SHTN1: variants seen among roughly 807,000 people sequenced by gnomAD.
The protein encoded by SHTN1 is shootin 1.
SHTN1 carries 42 observed loss-of-function variants against 83.1 expected under a neutral mutation model. The ratio of observed to expected loss-of-function variants is 0.51; its 90% confidence interval spans 0.39 to 0.65. The LOEUF (loss-of-function observed/expected upper bound fraction) is 0.65, where lower values mean the gene tolerates loss of function less well. Among genes scored for constraint, SHTN1 ranks in the 30% least tolerant of loss-of-function variants. The probability of loss-of-function intolerance (pLI) is 0.00; values close to 1 mark genes in which losing one functional copy is unlikely to be tolerated. For missense variants in SHTN1, 622 were observed against 737.8 expected (o/e 0.84, Z 1.82); for synonymous variants, 224 against 247.7 (o/e 0.90, Z 0.90).
chr10:117,030,513 T>C (rs1852399752), intron 2 of SHTN1, among the ~76,000 whole-genome samples: 1 of 152,016 alleles, frequency 6.6e-6, no homozygotes, highest in South Asian at 2.1e-4. Context: ...AACTAAATAA[T>C]GCACCAGGAA....
At chr10:116,992,879 T>G (rs2133517499) in intron 1 of SHTN1, among the ~76,000 whole-genome samples, 1 of 152,298 alleles carries the variant, frequency 6.6e-6, no homozygotes, top group South Asian at 2.1e-4. Flanking sequence ...CTCTATTGGA[T>G]CCAACTGTCA....
intron 1 of SHTN1, among the ~76,000 whole-genome samples, chr10:117,063,018 C>A (rs763140804): frequency 6.6e-6 from 1 of 152,250 alleles, no homozygotes; most frequent in South Asian, 2.1e-4. Flanking sequence ...ATAATACTAA[C>A]CATAAATGGA....
chr10:117,048,944 C>T (rs1008906232), intron 1 of SHTN1, among the ~76,000 whole-genome samples: 2 of 152,160 alleles, frequency 1.3e-5, no homozygotes, highest in Non-Finnish European at 2.9e-5. Flanking sequence ...TGTATCAGTT[C>T]TTGATTTTCC....
chr10:116,883,934 ATTTTCT>A lies in SHTN1; in HGVS notation c.*2404_*2409del, dbSNP rs1217803120. Reference sequence around the variant, plus strand: ...TATTCTTCCAGAAAAAAAAAGAGACATTTTCTTTTTCTTTAATAGCAATGGCACAAA... The same window carrying A: ...TATTCTTCCAGAAAAAAAAAGAGACATTTTCTTTAATAGCAATGGCACAAA... On this transcript the variant is annotated 3_prime_UTR_variant, in exon 17 of 17. Coordinates refer to ENST00000355371, the MANE Select transcript of SHTN1 (RefSeq NM_001127211.3). 1 of 191,004 alleles carries A rather than the reference ATTTTCT, an allele frequency of 5.2e-6. No homozygotes were observed. The highest frequency in any genetic ancestry group is 1.1e-5 in the Non-Finnish European group (1 of 90,082). 11.8% of individuals were successfully genotyped at this position (191,004 alleles called of 1,614,324 possible). A position where few individuals can be genotyped will look rare whatever the true frequency, so the allele number is the denominator to read the frequency against.
intron 3 of SHTN1, among the ~76,000 whole-genome samples, chr10:116,961,970 T>C (rs1295420719): frequency 2.0e-5 from 3 of 152,130 alleles, no homozygotes; most frequent in Non-Finnish European, 4.4e-5. Context: ...GTCTTATCAT[T>C]ATAACACAAT....
intron 2 of SHTN1, among the ~76,000 whole-genome samples, chr10:116,978,340 G>A (rs1850882810): frequency 6.6e-6 from 1 of 152,052 alleles, no homozygotes; most frequent in Non-Finnish European, 1.5e-5. Context: ...TAAAAATGAG[G>A]TTTCACAATT....
chr10:117,124,270 G>A (rs1288698649), intron 1 of SHTN1, among the ~76,000 whole-genome samples: 2 of 151,710 alleles, frequency 1.3e-5, no homozygotes, highest in Admixed American at 6.6e-5. Context: ...ACTCTAACCT[G>A]GGGGTTAATG....
chr10:117,037,209 G>C (rs920447593), intron 2 of SHTN1, among the ~76,000 whole-genome samples: 1 of 152,092 alleles, frequency 6.6e-6, no homozygotes, highest in Non-Finnish European at 1.5e-5. Flanking sequence ...AGGCTGAGAT[G>C]GGAGGATTGC....
Position 116,968,688 on chromosome 10 carries a change from C to G in SHTN1, c.136G>C (p.Asp46His), listed in dbSNP as rs1850488346. 1 of 1,612,256 alleles carries G rather than the reference C, an allele frequency of 6.2e-7. No individual in the cohort carries two copies. Among genetic ancestry groups the G allele is most frequent in the African/African-American group, 1.3e-5 (1 of 74,908 alleles). ...EKCDKIRQER[D>H]EAVKKLEEFQ... ...TCTTCCAGTTTTTTAACGGCTTCAT[C>G]TCGTTCTTGCCTAATTTTGTCACAC... Residue 46 changes from aspartate (D) to histidine (H), a missense_variant, in exon 3 of 17, where the codon GAT becomes CAT. Coordinates refer to ENST00000355371, the MANE Select transcript of SHTN1 (RefSeq NM_001127211.3).
chr10:116,968,576 A>G (rs934180613), intron 3 of SHTN1, 76 bp downstream of exon 3: 23 of 1,044,654 alleles, frequency 2.2e-5, no homozygotes, highest in African/African-American at 3.2e-5. Flanking sequence ...TAGCAACTCA[A>G]TAGGGTATAA....
At chr10:117,033,249 GTTTTT>G (rs899424085) in intron 2 of SHTN1, among the ~76,000 whole-genome samples, 1 of 151,266 alleles carries the variant, frequency 6.6e-6, no homozygotes, top group Non-Finnish European at 1.5e-5. Context: ...GAAACAAAAA[GTTTTT>G]TTTTAAACTT....
At chr10:117,037,087 A>C (rs1360853189) in intron 2 of SHTN1, among the ~76,000 whole-genome samples, 1 of 152,206 alleles carries the variant, frequency 6.6e-6, no homozygotes, top group Non-Finnish European at 1.5e-5. Flanking sequence ...TTAATATACG[A>C]AAGTCAATCA....
At chr10:117,064,397 C>T (rs1852942774) in intron 1 of SHTN1, among the ~76,000 whole-genome samples, 2 of 152,108 alleles carry the variant, frequency 1.3e-5, no homozygotes, top group South Asian at 2.1e-4. Flanking sequence ...AGTTCATGCC[C>T]GTAATCCCGG....
At chr10:116,984,772 A>G (rs1851166034) in intron 1 of SHTN1, among the ~76,000 whole-genome samples, 1 of 152,164 alleles carries the variant, frequency 6.6e-6, no homozygotes, top group African/African-American at 2.4e-5. Flanking sequence ...TAGTTAACAA[A>G]GCAAGCTGGT....
chr10:116,952,802 A>G (rs564378695), intron 5 of SHTN1, among the ~76,000 whole-genome samples: 7 of 152,352 alleles, frequency 4.6e-5, no homozygotes, highest in Non-Finnish European at 1.0e-4. Flanking sequence ...CAAGTGCAAT[A>G]AAGAATATGT....
At chr10:117,007,923 A>G (rs2133553313), upstream of SHTN1, among the ~76,000 whole-genome samples, 1 of 150,254 alleles carries the variant, frequency 6.7e-6, no homozygotes, top group East Asian at 2.0e-4. Flanking sequence ...CAGGAGAATC[A>G]CTTGAACCCG....
chr10:117,085,525 C>T (rs182814383), intron 1 of SHTN1, among the ~76,000 whole-genome samples: 139 of 152,248 alleles, frequency 9.1e-4, no homozygotes, highest in African/African-American at 2.9e-3. Context: ...TTCTAAGGTA[C>T]GTTTTATAGC....
At chr10:116,907,919 C>T in intron 14 of SHTN1, 1 of 517,866 alleles carries the variant, frequency 1.9e-6, no homozygotes, top group Non-Finnish European at 3.9e-6. Context: ...CTGCCAACTA[C>T]CTGAAGGATT....
chr10:116,906,751 A>C lies in SHTN1; in HGVS notation c.1360-4T>G. Reference sequence around the variant, plus strand: ...TAGTGGATTTGTTAAGTGTCCCCTAAAGTGAAAACAAAACAAAAACAAAAA... The same window carrying C: ...TAGTGGATTTGTTAAGTGTCCCCTACAGTGAAAACAAAACAAAAACAAAAA... On this transcript the variant is annotated splice_polypyrimidine_tract_variant and splice_region_variant and intron_variant, in intron 14 of 16. Coordinates refer to ENST00000355371, the MANE Select transcript of SHTN1 (RefSeq NM_001127211.3). 2 of 1,603,804 alleles carry C rather than the reference A, an allele frequency of 1.2e-6. No individual in the cohort carries two copies. The highest frequency in any genetic ancestry group is 1.7e-6 in the Non-Finnish European group (2 of 1,176,396).
Sources: gnomAD v4.1 joint callset for allele counts (sites outside exome capture counted in the v4.1 genomes callset) on GRCh38, gnomAD v4.1.1 for gene constraint, MANE v1.5 for transcripts, NCBI Gene and HGNC (gene_info 2026-07-23, HGNC 2026-07-21) for gene names.